SPEG: variants seen among roughly 807,000 people sequenced by gnomAD.
The protein encoded by SPEG is striated muscle preferentially expressed protein kinase.
Under a neutral mutation model 300.4 loss-of-function variants are expected in SPEG, and 114 were observed. The observed-to-expected ratio is 0.38, with a 90% CI of 0.33 to 0.44. SPEG has a LOEUF of 0.44. Ranked by LOEUF, SPEG falls within the 20% of genes least tolerant of loss-of-function variation. The pLI is 1.00. For missense variants in SPEG, 4,201 were observed against 4,586.2 expected, an observed-to-expected ratio of 0.92 and a Z score of 2.43; for synonymous variants, 1,964 against 2,018.9, an observed-to-expected ratio of 0.97 and a Z score of 0.73.
Position 219,448,320 on chromosome 2 carries a change from G to A in SPEG, c.1162G>A (p.Gly388Ser). The A allele has an allele frequency of 6.2e-7, 1 of 1,605,586 alleles. No homozygotes were observed. Among genetic ancestry groups the A allele is most frequent in the Non-Finnish European group, 8.5e-7 (1 of 1,176,992 alleles). ...GGCCTCAGGCCGCCTGTCGGCGTTGGGCCGATCGCCTAGGCTGGTGCGCGC... is the reference window on the plus strand; with the variant it reads ...GGCCTCAGGCCGCCTGTCGGCGTTGAGCCGATCGCCTAGGCTGGTGCGCGC... ...SEASGRLSALGRSPRLVRAGS... is the reference protein window; with the variant it reads ...SEASGRLSALSRSPRLVRAGS... The change falls in exon 4 of 41, where the codon GGC becomes AGC. Residue 388 changes from glycine to serine, a missense_variant. By Grantham distance (56) the Gly-to-Ser change is moderately conservative. This residue lies in a region of SPEG where 1,258 missense variants were observed against 1,293.9 expected (regional missense o/e 0.97). Transcript: ENST00000312358.
At chr2:219,482,074 G>A in intron 28 of SPEG, 1 of 263,864 alleles carries the variant, frequency 3.8e-6, no homozygotes, top group Non-Finnish European at 7.3e-6. Flanking sequence ...TCAGCCCCTT[G>A]GTTATGAGCT....
intron 31 of SPEG, among the ~76,000 whole-genome samples, 160 bp from the exon 32 acceptor site, chr2:219,488,034 G>A (rs1283673819): frequency 6.6e-6 from 1 of 152,174 alleles, no homozygotes; most frequent in Non-Finnish European, 1.5e-5. Flanking sequence ...GAAAATTATC[G>A]AAGGCATGGC....
chr2:219,456,424 C>A (rs1690187560), intron 6 of SPEG, among the ~76,000 whole-genome samples: 1 of 152,208 alleles, frequency 6.6e-6, no homozygotes, highest in Non-Finnish European at 1.5e-5. Flanking sequence ...GGCATGGTCC[C>A]CTTGCCCAAA....
rs1689521058 is a variant in SPEG, at chr2:219,448,863, G to GGGAGGCCCA, written c.1710_1718dup (p.Arg570_Arg572dup). On this transcript the variant is annotated inframe_insertion, in exon 4 of 41. Coordinates refer to ENST00000312358, the MANE Select transcript of SPEG (RefSeq NM_005876.5). Reference sequence around the variant, plus strand: ...CGCGGAGAAGCCGGGGGACGAGCCTGGGAGGCCCAGGAGCCGCGGGCCGGC... The same window carrying GGGAGGCCCA: ...CGCGGAGAAGCCGGGGGACGAGCCTGGGAGGCCCAGGAGGCCCAGGAGCCGCGGGCCGGC... The GGGAGGCCCA allele has an allele frequency of 3.6e-6, 5 of 1,404,226 alleles. No homozygotes were observed. Among genetic ancestry groups the GGGAGGCCCA allele is most frequent in the Non-Finnish European group, 4.6e-6 (5 of 1,087,904 alleles). 87.0% of individuals were successfully genotyped at this position (1,404,226 alleles called of 1,614,324 possible).
chr2:219,491,840 C>T lies in SPEG; in HGVS notation c.9432C>T (p.Ile3144=). 6.2e-7 allele frequency: 1 copy of T among 1,612,370 alleles called. No individual in the cohort carries two copies. The highest frequency in any genetic ancestry group is 8.5e-7 in the Non-Finnish European group (1 of 1,179,318). The part of the protein sequence containing the change: ...KGEPIGSATD[I]WGAGVLTYIM... ...AACCCATCGGCTCTGCCACGGACAT[C>T]TGGGGAGCGGGTGTGCTCACTTACA... The change falls in exon 39 of 41, where the codon ATC becomes ATT. Residue 3144 remains isoleucine (I), a synonymous_variant. Coordinates refer to ENST00000312358, the MANE Select transcript of SPEG (RefSeq NM_005876.5).
rs1366600079 is a variant in SPEG, at chr2:219,459,603, T to C, written c.2441-2279T>C. On this transcript the variant is annotated intron_variant, in intron 6 of 40. Coordinates refer to ENST00000312358, the MANE Select transcript of SPEG (RefSeq NM_005876.5). The surrounding 1 kb of genome is among the most constrained non-coding windows in gnomAD (Gnocchi z 4.9). ...ACCACCAGGGGTCTCTGAGGCTCCC[T>C]GCAAACCTTGACCATCTGGCCTTCA... Among the ~76,000 whole-genome samples, 1 of 152,140 alleles carries C rather than the reference T, an allele frequency of 6.6e-6. No homozygotes were observed. The highest frequency in any genetic ancestry group is 1.5e-5 in the Non-Finnish European group (1 of 68,010).
At chr2:219,450,300 CCT>C (rs761103514) in intron 4 of SPEG, among the ~76,000 whole-genome samples, 13 of 152,158 alleles carry the variant, frequency 8.5e-5, no homozygotes, top group Non-Finnish European at 1.3e-4. Context: ...GGTCTTTTCC[CCT>C]CCATCTTACA....
Position 219,490,641 on chromosome 2 carries a change from A to G in SPEG, c.9154A>G (p.Ser3052Gly). The change falls in exon 37 of 41, where the codon AGT becomes GGT. Residue 3052 changes from serine to glycine, a missense_variant. Ser to Gly is a moderately conservative substitution (Grantham distance 56, BLOSUM62 0). Coordinates refer to ENST00000312358, the MANE Select transcript of SPEG (RefSeq NM_005876.5). ...CGNRELLCGL[S>G]DRFRYSEDDV... is the part of the protein sequence containing the mutation. Reference sequence around the variant, plus strand: ...CAACCGGGAACTCCTCTGTGGGCTCAGTGACAGGTAGCTGGGAATTCTAGG... The same window carrying G: ...CAACCGGGAACTCCTCTGTGGGCTCGGTGACAGGTAGCTGGGAATTCTAGG... 5 of 1,609,224 alleles carry G rather than the reference A, an allele frequency of 3.1e-6. No individual in the cohort carries two copies. The highest frequency in any genetic ancestry group is 4.3e-6 in the Non-Finnish European group (5 of 1,175,804).
At position 219,483,142 on chromosome 2, in the gene SPEG, C is replaced by A. The variant is rs1435607728; in HGVS notation, c.5679C>A (p.Ile1893=). Residue 1893 remains isoleucine (I), a synonymous_variant, in exon 30 of 41, where the codon ATC becomes ATA. Coordinates refer to ENST00000312358, the MANE Select transcript of SPEG (RefSeq NM_005876.5). Reference sequence around the variant, plus strand: ...AATGCCACCTGGTGCTGCGCCCCATCCCCGAGCTGCTGCGGGCCCCCCCAG... The same window carrying A: ...AATGCCACCTGGTGCTGCGCCCCATACCCGAGCTGCTGCGGGCCCCCCCAG... ...SYKCHLVLRP[I]PELLRAPPER... is the part of the protein sequence containing the mutation. The A allele has an allele frequency of 1.2e-6, 2 of 1,608,998 alleles. No individual in the cohort carries two copies. Among genetic ancestry groups the A allele is most frequent in the African/African-American group, 2.7e-5 (2 of 74,882 alleles).
At chr2:219,472,466 C>A in intron 15 of SPEG, 135 bp downstream of exon 15, 1 of 738,762 alleles carries the variant, frequency 1.4e-6, no homozygotes, top group Non-Finnish European at 2.2e-6. Context: ...GTGGGACCAG[C>A]TTTGCCCGTC....
chr2:219,450,401 G>C (rs1415685231), intron 4 of SPEG, among the ~76,000 whole-genome samples: 1 of 152,156 alleles, frequency 6.6e-6, no homozygotes, highest in Non-Finnish European at 1.5e-5. Flanking sequence ...TGCTTTTTTG[G>C]CTATGTACAT....
chr2:219,457,687 G>A (rs1397912588), intron 6 of SPEG, among the ~76,000 whole-genome samples: 1 of 152,180 alleles, frequency 6.6e-6, no homozygotes, highest in African/African-American at 2.4e-5. Flanking sequence ...TGCACCCATA[G>A]GGCAAAAGGA....
intron 13 of SPEG, 109 bp downstream of exon 13, chr2:219,469,488 C>G: frequency 1.1e-6 from 1 of 901,504 alleles, no homozygotes; most frequent in East Asian, 2.7e-5. Flanking sequence ...GTAGCCTGAC[C>G]AGGGACAGGG....
At position 219,448,979 on chromosome 2, in the gene SPEG, C is replaced by G; in HGVS notation, c.1821C>G (p.Cys607Trp). Residue 607 changes from cysteine (C) to tryptophan (W), a missense_variant, in exon 4 of 41, where the codon TGC becomes TGG. Cys to Trp is a radical substitution (Grantham distance 215). Transcript: ENST00000312358. ...PLTRSRAIQE[C>W]RSPVPPPAAD... Reference sequence around the variant, plus strand: ...CCCGGAGCAGAGCCATCCAGGAGTGCAGGAGCCCTGTGCCGCCCCCCGCCG... The same window carrying G: ...CCCGGAGCAGAGCCATCCAGGAGTGGAGGAGCCCTGTGCCGCCCCCCGCCG... 6.6e-7 allele frequency: 1 copy of G among 1,507,222 alleles called. No individual in the cohort carries two copies. The highest frequency in any genetic ancestry group is 1.3e-5 in the South Asian group (1 of 78,730). The allele number at this position is 1,507,222 out of a possible 1,614,324, so 93.4% of individuals were successfully genotyped here. A position where few individuals can be genotyped will look rare whatever the true frequency, so the allele number is the denominator to read the frequency against.
chr2:219,442,122 G>A, intron 1 of SPEG: 1 of 1,163,532 alleles, frequency 8.6e-7, no homozygotes, highest in Non-Finnish European at 1.1e-6. Context: ...GGAGGGGGCA[G>A]GGAGGCCTGG....
At position 219,476,947 on chromosome 2, in the gene SPEG, G is replaced by A; in HGVS notation, c.4525G>A (p.Glu1509Lys). The A allele has an allele frequency of 4.3e-6, 7 of 1,612,690 alleles. No individual in the cohort carries two copies. The highest frequency in any genetic ancestry group is 5.9e-6 in the Non-Finnish European group (7 of 1,179,408). The part of the protein sequence containing the change: ...GETARFAVVV[E>K]GKPLPDIMWY... ...AACTGCTCGCTTTGCGGTGGTGGTCGAGGGAAAACCACTGCCGGACATCAT... is the reference window on the plus strand; with the variant it reads ...AACTGCTCGCTTTGCGGTGGTGGTCAAGGGAAAACCACTGCCGGACATCAT... Residue 1509 changes from glutamate to lysine, a missense_variant, in exon 19 of 41, where the codon GAG (glutamate) becomes AAG (lysine). By Grantham distance (56) the Glu-to-Lys change is moderately conservative. Transcript: ENST00000312358.
Position 219,490,469 on chromosome 2 carries a change from C to G in SPEG, c.8982C>G (p.Ala2994=). The change falls in exon 37 of 41, where the codon GCC becomes GCG. Residue 2994 remains alanine, a synonymous_variant. Coordinates refer to ENST00000312358, the MANE Select transcript of SPEG (RefSeq NM_005876.5). ...RENATGRTFV[A]KIVPYAAEGK... ...ATGCCACGGGGCGAACGTTCGTGGC[C>G]AAGATCGTGCCCTATGCTGCCGAGG... The G allele has an allele frequency of 6.2e-7, 1 of 1,613,392 alleles. No homozygotes were observed. Among genetic ancestry groups the G allele is most frequent in the Non-Finnish European group, 8.5e-7 (1 of 1,180,000 alleles).
At position 219,448,638 on chromosome 2, in the gene SPEG, T is replaced by G. The variant is rs1689501579; in HGVS notation, c.1480T>G (p.Phe494Val). Residue 494 changes from phenylalanine (F) to valine (V), a missense_variant, in exon 4 of 41, where the codon TTC (phenylalanine) becomes GTC (valine). Transcript: ENST00000312358. Reference protein sequence around the residue: ...RSPASDLELRFAQELGRIRRS... With the variant: ...RSPASDLELRVAQELGRIRRS... Reference sequence around the variant, plus strand: ...CCCGGCCTCAGACCTCGAGCTGCGCTTCGCCCAGGAGCTGGGCCGCATCCG... The same window carrying G: ...CCCGGCCTCAGACCTCGAGCTGCGCGTCGCCCAGGAGCTGGGCCGCATCCG... The G allele has an allele frequency of 6.7e-7, 1 of 1,485,264 alleles. No homozygotes were observed. The highest frequency in any genetic ancestry group is 2.3e-5 in the Admixed American group (1 of 44,028). The allele number at this position is 1,485,264 out of a possible 1,614,324, so 92.0% of individuals were successfully genotyped here.
chr2:219,451,632 G>C lies in SPEG; in HGVS notation c.2265G>C (p.Trp755Cys). The change falls in exon 6 of 41, where the codon TGG becomes TGC. Residue 755 changes from tryptophan (W) to cysteine (C), a missense_variant. Trp to Cys is a radical substitution (Grantham distance 215). Coordinates refer to ENST00000312358, the MANE Select transcript of SPEG (RefSeq NM_005876.5). This position sits in a 1 kb window ranked among gnomAD's most constrained non-coding sequence, Gnocchi z 6.4. Reference protein sequence around the residue: ...ITANPPPQVSWHKDGSALRSE... With the variant: ...ITANPPPQVSCHKDGSALRSE... ...CCCTGTGCCTCCCCACAGTGTCCTGGCACAAGGATGGGTCAGCGCTGCGCA... is the reference window on the plus strand; with the variant it reads ...CCCTGTGCCTCCCCACAGTGTCCTGCCACAAGGATGGGTCAGCGCTGCGCA... 1.3e-6 allele frequency: 2 copies of C among 1,562,110 alleles called. No individual in the cohort carries two copies. Among genetic ancestry groups the C allele is most frequent in the Non-Finnish European group, 1.7e-6 (2 of 1,154,960 alleles).
Sources: gnomAD v4.1 joint callset for allele counts (sites outside exome capture counted in the v4.1 genomes callset) on GRCh38, gnomAD v4.1.1 for gene constraint, gnomAD v4.1.1 regional missense constraint, Gnocchi (gnomAD v3.1) non-coding constraint, MANE v1.5 for transcripts, NCBI Gene and HGNC (gene_info 2026-07-23, HGNC 2026-07-21) for gene names.